Variants in KIDINS220 observed in about 807,000 individuals in gnomAD.
KIDINS220 encodes the protein kinase D interacting substrate 220.
KIDINS220 carries 63 observed loss-of-function variants against 157.6 expected under a neutral mutation model. That is an observed-to-expected ratio of 0.40 (90% CI 0.33 to 0.49). KIDINS220 has a LOEUF of 0.49. KIDINS220 is among the 20% of genes least tolerant of loss of function. The pLI, the probability that KIDINS220 is intolerant of heterozygous loss-of-function variation, is 0.66. For missense variants in KIDINS220, 1,772 were observed against 2,171.2 expected (o/e 0.82, Z 3.65); for synonymous variants, 732 against 783.6 (o/e 0.93, Z 1.10).
At chr2:8,744,363 CAAA>C (rs547083543) in intron 26 of KIDINS220, among the ~76,000 whole-genome samples, 81 of 9,288 alleles carry the variant, frequency 8.7e-3, no homozygotes, top group Admixed American at 0.014. Flanking sequence ...TTCCTCATGG[CAAA>C]AAAAAAAAAA....
rs2148377490 is a variant in KIDINS220 at position 8,813,311 on chromosome 2, C to T, written c.331G>A (p.Ala111Thr). The T allele has an allele frequency of 6.2e-7, 1 of 1,612,518 alleles. No homozygotes were observed. Among genetic ancestry groups the T allele is most frequent in the Non-Finnish European group, 8.5e-7 (1 of 1,179,302 alleles). ...DMGGWTALMWACYKGRTDVVE... is the reference protein window; with the variant it reads ...DMGGWTALMWTCYKGRTDVVE... ...ACGTCAGTACGGCCTTTGTAACATG[C>T]CCACATAAGAGCTGTCCATCCTCCC... The change falls in exon 5 of 30, where the codon GCA becomes ACA. Residue 111 changes from alanine (A) to threonine (T), a missense_variant. Coordinates refer to ENST00000256707, the MANE Select transcript of KIDINS220 (RefSeq NM_020738.4).
intron 6 of KIDINS220, among the ~76,000 whole-genome samples, chr2:8,811,653 A>T (rs1367276876): frequency 6.6e-6 from 1 of 152,242 alleles, no homozygotes; most frequent in East Asian, 1.9e-4. Flanking sequence ...GCTGAAGCCA[A>T]ACTGAGAAGC....
chr2:8,815,715 A>C (rs1676994598), intron 4 of KIDINS220, among the ~76,000 whole-genome samples: 1 of 152,192 alleles, frequency 6.6e-6, no homozygotes, highest in African/African-American at 2.4e-5. Flanking sequence ...CCCCCTACAT[A>C]AGAACCTATG....
Position 8,734,887 on chromosome 2 carries a change from G to T in KIDINS220, c.3718-134C>A. On this transcript the variant is annotated intron_variant, in intron 27 of 29. Transcript: ENST00000256707. ...GACCAGAAAGGCTGACCAAAAAAAA[G>T]GTTATCATCCCATATAATAATACAA... 5.2e-6 allele frequency: 3 copies of T among 578,540 alleles called. No homozygotes were observed. In the South Asian group the frequency reaches 8.1e-5, roughly 16 times the overall value. The allele number at this position is 578,540 out of a possible 1,614,324, so 35.8% of individuals were successfully genotyped here. A position where few individuals can be genotyped will look rare whatever the true frequency, so the allele number is the denominator to read the frequency against.
chr2:8,790,209 C>A (rs933658735), intron 13 of KIDINS220, 150 bp from the exon 14 acceptor site: 1 of 703,164 alleles, frequency 1.4e-6, no homozygotes, highest in Non-Finnish European at 2.2e-6. Flanking sequence ...AACCATTTTA[C>A]CCAGTGTTCT....
chr2:8,753,747 C>A (rs1667658479), intron 22 of KIDINS220, among the ~76,000 whole-genome samples: 1 of 152,184 alleles, frequency 6.6e-6, no homozygotes, highest in African/African-American at 2.4e-5. Flanking sequence ...GGGACTAGCA[C>A]TTTACTGCTC....
chr2:8,739,462 C>A (rs1257740926), intron 26 of KIDINS220, among the ~76,000 whole-genome samples: 1 of 152,080 alleles, frequency 6.6e-6, no homozygotes, highest in Non-Finnish European at 1.5e-5. Context: ...TAGACCTTTT[C>A]TAAAATAATC....
At chr2:8,771,950 A>G (rs1670292835) in intron 21 of KIDINS220, among the ~76,000 whole-genome samples, 1 of 152,150 alleles carries the variant, frequency 6.6e-6, no homozygotes, top group South Asian at 2.1e-4. Flanking sequence ...AGATTTCCTT[A>G]AGAATATAAC....
intron 22 of KIDINS220, chr2:8,757,385 CACAGTCAGTTCAGTAAATGCCA>C (rs1668142985): frequency 8.9e-7 from 1 of 1,117,932 alleles, no homozygotes; most frequent in Non-Finnish European, 1.1e-6. Context: ...TTACTAATGT[CACAGTCAGTTCAGTAAATGCCA>C]ACAGTCTTAC....
chr2:8,732,752 GCTC>G (rs1558304885), intron 29 of KIDINS220, among the ~76,000 whole-genome samples: 2 of 152,174 alleles, frequency 1.3e-5, no homozygotes, highest in African/African-American at 4.8e-5. Context: ...CCAAGGCGCT[GCTC>G]CTCCTCACCG....
chr2:8,776,665 A>G (rs757953115), intron 21 of KIDINS220, 83 bp downstream of exon 21: 9 of 1,252,368 alleles, frequency 7.2e-6, no homozygotes, highest in Non-Finnish European at 1.0e-5. Context: ...TACACACAAT[A>G]CATACCTTTG....
chr2:8,816,511 T>C (rs1677091197), intron 4 of KIDINS220, among the ~76,000 whole-genome samples: 1 of 152,242 alleles, frequency 6.6e-6, no homozygotes, highest in Non-Finnish European at 1.5e-5. Context: ...ATAACTGGTA[T>C]GGTACCTATT....
chr2:8,794,184 G>C (rs1673594036), intron 11 of KIDINS220, 197 bp from the exon 12 acceptor site: 2 of 415,876 alleles, frequency 4.8e-6, no homozygotes, highest in Non-Finnish European at 8.5e-6. Flanking sequence ...GCTTTGCTCA[G>C]ATACTGTTTC....
chr2:8,785,059 A>C (rs973848103), intron 17 of KIDINS220, among the ~76,000 whole-genome samples: 2 of 152,256 alleles, frequency 1.3e-5, no homozygotes, highest in Non-Finnish European at 2.9e-5. Context: ...AGACAATGGC[A>C]CATTAGCCAT....
chr2:8,767,317 T>C (rs1275392678), intron 22 of KIDINS220, among the ~76,000 whole-genome samples: 2 of 152,036 alleles, frequency 1.3e-5, no homozygotes, highest in Non-Finnish European at 2.9e-5. Flanking sequence ...TACCTACAAA[T>C]AAGTCATATA....
At chr2:8,810,840 C>G (rs1472743687) in intron 6 of KIDINS220, among the ~76,000 whole-genome samples, 1 of 152,088 alleles carries the variant, frequency 6.6e-6, no homozygotes, top group Non-Finnish European at 1.5e-5. Flanking sequence ...AGACATACCT[C>G]AAACCTCAGT....
intron 21 of KIDINS220, among the ~76,000 whole-genome samples, chr2:8,772,736 G>A (rs1258254083): frequency 6.6e-6 from 1 of 152,060 alleles, no homozygotes; most frequent in East Asian, 1.9e-4. Flanking sequence ...TTTTTAATTA[G>A]GAAACCACTC....
chr2:8,755,778 C>T (rs1053586684), intron 22 of KIDINS220, among the ~76,000 whole-genome samples: 2 of 152,230 alleles, frequency 1.3e-5, no homozygotes, highest in Non-Finnish European at 2.9e-5. Flanking sequence ...CTTGCCAAAA[C>T]CCAACTGGAC....
intron 22 of KIDINS220, among the ~76,000 whole-genome samples, chr2:8,766,951 G>C (rs1271539187): frequency 6.6e-6 from 1 of 152,120 alleles, no homozygotes; most frequent in Admixed American, 6.5e-5. Flanking sequence ...CACATTGAAT[G>C]GTCAACATTA....
Sources: allele counts gnomAD v4.1 joint callset (sites outside exome capture counted in the v4.1 genomes callset), GRCh38; gene constraint gnomAD v4.1.1; transcripts MANE v1.5; gene names NCBI Gene and HGNC (gene_info 2026-07-23, HGNC 2026-07-21).